Variants in STEAP1B observed in about 807,000 individuals in gnomAD.
STEAP1B encodes STEAP family member 1B, also known as STEAP family protein MGC87042.
A neutral mutation model predicts 27.9 loss-of-function variants in STEAP1B; 13 were observed. The observed-to-expected ratio is 0.47, with a 90% CI of 0.30 to 0.74. The LOEUF is 0.74. Among genes scored for constraint, STEAP1B ranks in the 30% least tolerant of loss-of-function variants. The pLI, the probability that STEAP1B is intolerant of heterozygous loss-of-function variation, is 0.06. For missense variants in STEAP1B, 250 were observed against 298.7 expected, an observed-to-expected ratio of 0.84 and a Z score of 1.20; for synonymous variants, 86 against 107.1, an observed-to-expected ratio of 0.80 and a Z score of 1.22.
chr7:22,498,193 T>G (rs1786474863), intron 1 of STEAP1B, among the ~76,000 whole-genome samples: 1 of 152,198 alleles, frequency 6.6e-6, no homozygotes, highest in Non-Finnish European at 1.5e-5. Context: ...GATACCAGTC[T>G]GCGGCCAGGG....
At chr7:22,481,878 A>T (rs1786080677) in intron 4 of STEAP1B, among the ~76,000 whole-genome samples, 1 of 152,240 alleles carries the variant, frequency 6.6e-6, no homozygotes. Context: ...GGTTTCCTGT[A>T]ATCCTTGAGG....
intron 4 of STEAP1B, among the ~76,000 whole-genome samples, chr7:22,450,221 T>C (rs1286158152): frequency 6.6e-6 from 1 of 152,190 alleles, no homozygotes; most frequent in Non-Finnish European, 1.5e-5. Flanking sequence ...CTCAAGTGCT[T>C]GTGGAGTATT....
chr7:22,465,022 A>T (rs982159303), intron 4 of STEAP1B, among the ~76,000 whole-genome samples: 1 of 141,876 alleles, frequency 7.0e-6, no homozygotes, highest in Non-Finnish European at 1.5e-5. Flanking sequence ...CAATTACAAC[A>T]ATATGCCAGC....
intron 1 of STEAP1B, among the ~76,000 whole-genome samples, chr7:22,499,801 T>G (rs1253655214): frequency 6.6e-6 from 1 of 152,198 alleles, no homozygotes; most frequent in Non-Finnish European, 1.5e-5. Context: ...GCCATCAAAA[T>G]CCAACCTGAG....
At chr7:22,491,821 T>C (rs1786327930) in intron 4 of STEAP1B, among the ~76,000 whole-genome samples, 1 of 152,162 alleles carries the variant, frequency 6.6e-6, no homozygotes, top group African/African-American at 2.4e-5. Flanking sequence ...AGAAAACATA[T>C]GATCCAAGTT....
chr7:22,425,270 A>T (rs1167840150), intron 4 of STEAP1B, among the ~76,000 whole-genome samples: 22 of 152,242 alleles, frequency 1.4e-4, no homozygotes, highest in Admixed American at 1.4e-3. Flanking sequence ...TATACTTTTT[A>T]AAACAACTAA....
intron 4 of STEAP1B, among the ~76,000 whole-genome samples, chr7:22,491,463 T>A (rs1161305994): frequency 6.6e-6 from 1 of 152,120 alleles, no homozygotes; most frequent in African/African-American, 2.4e-5. Flanking sequence ...AAAAATATCA[T>A]GAGAGCGAAA....
chr7:22,429,345 T>C (rs1332320890), intron 4 of STEAP1B, among the ~76,000 whole-genome samples: 1 of 152,076 alleles, frequency 6.6e-6, no homozygotes, highest in Non-Finnish European at 1.5e-5. Flanking sequence ...CACTGAAAAA[T>C]GAATAAACTA....
At chr7:22,476,033 C>T (rs1785965922) in intron 4 of STEAP1B, among the ~76,000 whole-genome samples, 1 of 152,262 alleles carries the variant, frequency 6.6e-6, no homozygotes, top group South Asian at 2.1e-4. Flanking sequence ...GGTGCCACCC[C>T]CAATGGGGTG....
chr7:22,493,805 T>C lies in STEAP1B; in HGVS notation c.116A>G (p.Lys39Arg), dbSNP rs1786388928. The part of the protein sequence containing the change: ...HEDTGETSML[K>R]RPVLLHLQQT... ...CTGCAAATGCAAAAGCACAGGTCTT[T>C]TTAGCATGCTGGTCTCTCCCGTGTC... The change falls in exon 3 of 5, where the codon AAA (lysine) becomes AGA (arginine). Residue 39 changes from lysine (K) to arginine (R), a missense_variant. Physicochemically the swap from Lys to Arg is conservative, Grantham distance 26 (BLOSUM62 2). Transcript: ENST00000678116. 1.9e-6 allele frequency: 3 copies of C among 1,612,616 alleles called. No individual in the cohort carries two copies. Among genetic ancestry groups the C allele is most frequent in the Non-Finnish European group, 2.5e-6 (3 of 1,179,412 alleles).
At chr7:22,499,968 G>A (rs931139687) in intron 1 of STEAP1B, 146 bp downstream of exon 1, 10 of 152,568 alleles carry the variant, frequency 6.6e-5, no homozygotes, top group African/African-American at 1.7e-4. Context: ...AGCACCGCTC[G>A]CCCAGGAGGG....
At chr7:22,430,604 G>A (rs1010886080) in intron 4 of STEAP1B, among the ~76,000 whole-genome samples, 7 of 152,220 alleles carry the variant, frequency 4.6e-5, no homozygotes, top group African/African-American at 7.2e-5. Context: ...GACTGGAACC[G>A]TGGGCTGAGT....
At chr7:22,461,955 G>A (rs1033569690) in intron 4 of STEAP1B, among the ~76,000 whole-genome samples, 2 of 152,286 alleles carry the variant, frequency 1.3e-5, no homozygotes, top group African/African-American at 4.8e-5. Context: ...TACTTGAAAC[G>A]TACCAGCCAC....
rs1185575669 is a variant in STEAP1B, at chr7:22,492,333, AAAAAAAAAAAAAAAGG to A, written c.762+216_762+231del. ...GACTTCATCTCCAAAAAAAAAAAAA[AAAAAAAAAAAAAAAGG>A]ATATTTTAATGCTTTTTATTTATGT... On this transcript the variant is annotated intron_variant, in intron 4 of 4. Transcript: ENST00000678116. The A allele has an allele frequency of 1.7e-4, 47 of 279,116 alleles. 2 individuals carry two copies. In the East Asian group the frequency reaches 2.2e-3, roughly 13 times the overall value. 17.3% of individuals were successfully genotyped at this position (279,116 alleles called of 1,614,324 possible). A position where few individuals can be genotyped will look rare whatever the true frequency, so the allele number is the denominator to read the frequency against.
intron 4 of STEAP1B, chr7:22,438,895 A>G: frequency 1.7e-6 from 2 of 1,176,114 alleles, no homozygotes; most frequent in Non-Finnish European, 2.2e-6. Context: ...CTATTTTATT[A>G]TTTGGTGACA....
At position 22,493,843 on chromosome 7, in the gene STEAP1B, A is replaced by C. The variant is rs747858159; in HGVS notation, c.85-7T>G. ...TCTCTCCCGTGTCCTCATGCTACAAAGGAAAGAAAATTAACATCTTAAAAT... is the reference window on the plus strand; with the variant it reads ...TCTCTCCCGTGTCCTCATGCTACAACGGAAAGAAAATTAACATCTTAAAAT... On this transcript the variant is annotated splice_polypyrimidine_tract_variant and splice_region_variant and intron_variant, in intron 2 of 4. Coordinates refer to ENST00000678116, the MANE Select transcript of STEAP1B (RefSeq NM_001382447.1). 1 of 1,572,060 alleles carries C rather than the reference A, an allele frequency of 6.4e-7. No individual in the cohort carries two copies. Among genetic ancestry groups the C allele is most frequent in the Non-Finnish European group, 8.7e-7 (1 of 1,151,340 alleles).
At chr7:22,429,779 G>A (rs1785154797) in intron 4 of STEAP1B, among the ~76,000 whole-genome samples, 1 of 152,090 alleles carries the variant, frequency 6.6e-6, no homozygotes, top group African/African-American at 2.4e-5. Flanking sequence ...ACCATGGATG[G>A]GGGAAAAGAC....
At chr7:22,425,614 G>A (rs533132341) in intron 4 of STEAP1B, among the ~76,000 whole-genome samples, 4 of 152,280 alleles carry the variant, frequency 2.6e-5, no homozygotes, top group African/African-American at 9.6e-5. Flanking sequence ...AGTACAGACT[G>A]TTTCCTGTTA....
chr7:22,492,920 A>C (rs958942174), intron 3 of STEAP1B, among the ~76,000 whole-genome samples, 191 bp from the exon 4 acceptor site: 3 of 151,840 alleles, frequency 2.0e-5, no homozygotes, highest in Non-Finnish European at 4.4e-5. Flanking sequence ...TTTTTTCTTG[A>C]ATGCAACATT....
Sources: gnomAD v4.1 joint callset for allele counts (sites outside exome capture counted in the v4.1 genomes callset) on GRCh38, gnomAD v4.1.1 for gene constraint, MANE v1.5 for transcripts, NCBI Gene and HGNC (gene_info 2026-07-23, HGNC 2026-07-21) for gene names.